Variants in FER observed in about 807,000 individuals in gnomAD.
The protein encoded by FER is FER tyrosine kinase, also known as tyrosine-protein kinase Fer.
FER carries 63 observed loss-of-function variants against 111.0 expected under a neutral mutation model. The ratio of observed to expected loss-of-function variants is 0.57; its 90% CI spans 0.46 to 0.70. The LOEUF is 0.70. Among genes scored for constraint, FER ranks in the 30% least tolerant of loss-of-function variants. FER has a pLI of 0.00. For missense variants in FER, 914 were observed against 954.0 expected (o/e 0.96, Z 0.55); for synonymous variants, 327 against 313.9 (o/e 1.04, Z -0.44).
At chr5:109,096,609 A>T (rs1747554609) in intron 16 of FER, among the ~76,000 whole-genome samples, 1 of 151,876 alleles carries the variant, frequency 6.6e-6, no homozygotes, top group South Asian at 2.1e-4. Context: ...CTTCTCTCAA[A>T]AAATAGTTTC....
At chr5:109,091,527 C>T (rs911591384) in intron 16 of FER, among the ~76,000 whole-genome samples, 5 of 152,170 alleles carry the variant, frequency 3.3e-5, no homozygotes, top group Non-Finnish European at 5.9e-5. Flanking sequence ...ACAGAGAGCC[C>T]CGACTAGAGC....
intron 9 of FER, among the ~76,000 whole-genome samples, chr5:108,886,409 C>T (rs1414275159): frequency 2.0e-5 from 3 of 148,058 alleles, no homozygotes; most frequent in Non-Finnish European, 4.5e-5. Context: ...TATATTATAA[C>T]ATATAAACAT....
chr5:109,146,942 G>A (rs1193184846), intron 17 of FER, among the ~76,000 whole-genome samples: 1 of 151,802 alleles, frequency 6.6e-6, no homozygotes, highest in Non-Finnish European at 1.5e-5. Context: ...ATATGATAAG[G>A]GAATATTTAA....
intron 13 of FER, among the ~76,000 whole-genome samples, chr5:108,967,775 A>C (rs1256108401): frequency 6.6e-6 from 1 of 151,420 alleles, no homozygotes; most frequent in Non-Finnish European, 1.5e-5. Context: ...AAAAAAAAAA[A>C]AAAAAAAACA....
At chr5:109,104,168 T>A (rs1191874247) in intron 17 of FER, among the ~76,000 whole-genome samples, 1 of 152,238 alleles carries the variant, frequency 6.6e-6, no homozygotes, top group Non-Finnish European at 1.5e-5. Context: ...GTGATTTTTG[T>A]TTATCATGGA....
At chr5:109,107,356 G>A (rs1013567905) in intron 17 of FER, among the ~76,000 whole-genome samples, 8 of 152,018 alleles carry the variant, frequency 5.3e-5, no homozygotes, top group African/African-American at 1.9e-4. Flanking sequence ...TAGGCTCAGG[G>A]GGTACATGTG....
intron 9 of FER, among the ~76,000 whole-genome samples, chr5:108,884,511 G>GTT (rs1214108749): frequency 1.6e-5 from 2 of 125,134 alleles, no homozygotes; most frequent in African/African-American, 3.4e-5. Flanking sequence ...TCTTATGCCT[G>GTT]GTTTTTTTTT....
chr5:109,070,283 G>A (rs1328405498), intron 16 of FER, among the ~76,000 whole-genome samples: 2 of 151,928 alleles, frequency 1.3e-5, no homozygotes, highest in African/African-American at 2.4e-5. Flanking sequence ...CATAAGACAT[G>A]CCACATGTTT....
chr5:109,148,028 A>C (rs1229358250), intron 17 of FER, among the ~76,000 whole-genome samples: 1 of 151,954 alleles, frequency 6.6e-6, no homozygotes, highest in Non-Finnish European at 1.5e-5. Context: ...TTTGTTTAAT[A>C]GGTTTTTTTA....
intron 5 of FER, among the ~76,000 whole-genome samples, chr5:108,837,469 T>A (rs1240395360): frequency 6.6e-6 from 1 of 152,214 alleles, no homozygotes; most frequent in Non-Finnish European, 1.5e-5. Flanking sequence ...TTTATAAAGT[T>A]CATTGCTTCA....
intron 13 of FER, among the ~76,000 whole-genome samples, chr5:109,027,369 T>C (rs775782086): frequency 6.6e-5 from 10 of 152,202 alleles, no homozygotes; most frequent in Non-Finnish European, 8.8e-5. Context: ...ATTAAAAATA[T>C]AACTTCAGTC....
rs1418984507 is a variant in FER at position 109,189,212 on chromosome 5, A to C, written c.*1637A>C. ...CTTACTTACCCCATGATCTGTATAT[A>C]GTTGCCTCTCAGGATAAATGCATAT... is the stretch of plus-strand genomic sequence containing the variant. On this transcript the variant is annotated 3_prime_UTR_variant, in exon 20 of 20. Coordinates refer to ENST00000281092, the MANE Select transcript of FER (RefSeq NM_005246.4). 1.3e-5 allele frequency: 2 copies of C among 151,992 alleles called. No homozygotes were observed. The highest frequency in any genetic ancestry group is 3.9e-4 in the East Asian group (2 of 5,188). The allele number at this position is 151,992 out of a possible 1,614,324, so 9.4% of individuals were successfully genotyped here. A position where few individuals can be genotyped will look rare whatever the true frequency, so the allele number is the denominator to read the frequency against.
At chr5:108,999,588 G>C (rs977499113) in intron 13 of FER, among the ~76,000 whole-genome samples, 5 of 152,060 alleles carry the variant, frequency 3.3e-5, no homozygotes. Context: ...GAAAGGGTCT[G>C]CATGTCGTTA....
chr5:108,841,855 G>A (rs1404443472), intron 5 of FER: 3 of 425,096 alleles, frequency 7.1e-6, no homozygotes, highest in Non-Finnish European at 1.4e-5. Flanking sequence ...ATGGTTGTGG[G>A]AATAAATTAT....
chr5:108,999,219 G>C (rs1764395783), intron 13 of FER, among the ~76,000 whole-genome samples: 1 of 151,746 alleles, frequency 6.6e-6, no homozygotes, highest in Non-Finnish European at 1.5e-5. Context: ...TGTGCTATTT[G>C]TACTAGCCAT....
At position 108,988,549 on chromosome 5, in the gene FER, T is replaced by A. The variant is rs535165498; in HGVS notation, c.1656+29202T>A. Among the ~76,000 whole-genome samples the A allele has an allele frequency of 2.0e-5, 3 of 152,180 alleles. No homozygotes were observed. In the South Asian group the frequency reaches 6.2e-4, roughly 32 times the overall value. On this transcript the variant is annotated intron_variant, in intron 13 of 19. Coordinates refer to ENST00000281092, the MANE Select transcript of FER (RefSeq NM_005246.4). ...TTTCCAGGAATTTGTCCGTTTTCTCTAGGTTTTCTAATTTAGGTACGTAAA... is the reference window on the plus strand; with the variant it reads ...TTTCCAGGAATTTGTCCGTTTTCTCAAGGTTTTCTAATTTAGGTACGTAAA...
intron 3 of FER, among the ~76,000 whole-genome samples, chr5:108,821,414 A>G (rs1231764437): frequency 6.6e-6 from 1 of 152,178 alleles, no homozygotes; most frequent in Admixed American, 6.5e-5. Flanking sequence ...CCAAGAACTC[A>G]TTACAATGAG....
intron 5 of FER, chr5:108,842,577 T>C (rs1761375554): frequency 6.6e-6 from 1 of 152,016 alleles, no homozygotes; most frequent in African/African-American, 2.4e-5. Flanking sequence ...GCTAAGCACA[T>C]GAATAGACAT....
intron 17 of FER, among the ~76,000 whole-genome samples, chr5:109,140,964 C>T (rs1753459866): frequency 6.6e-6 from 1 of 152,164 alleles, no homozygotes; most frequent in African/African-American, 2.4e-5. Flanking sequence ...CCATATTCCA[C>T]AGTAGCTCCT....
Sources: allele counts gnomAD v4.1 joint callset (sites outside exome capture counted in the v4.1 genomes callset), GRCh38; gene constraint gnomAD v4.1.1; transcripts MANE v1.5; gene names NCBI Gene and HGNC (gene_info 2026-07-23, HGNC 2026-07-21).